The following PDE1A variants were observed in gnomAD, a reference collection of about 807,000 sequenced individuals.
The protein encoded by PDE1A is phosphodiesterase 1A, also known as dual specificity calcium/calmodulin-dependent 3',5'-cyclic nucleotide phosphodiesterase 1A.
Under a neutral mutation model 61.7 loss-of-function variants are expected in PDE1A, and 35 were observed. The observed-to-expected ratio is 0.57, with a 90% confidence interval of 0.43 to 0.75. PDE1A has a LOEUF of 0.75. Among genes scored for constraint, PDE1A ranks in the 30% least tolerant of loss-of-function variants. The pLI is 0.00. For missense variants in PDE1A, 597 were observed against 630.6 expected (o/e 0.95, Z 0.57); for synonymous variants, 232 against 213.2 (o/e 1.09, Z -0.77).
At chr2:182,536,194 G>GT in the PDE1A span, among the ~76,000 whole-genome samples, 1 of 152,178 alleles carries the variant, frequency 6.6e-6, no homozygotes, top group Non-Finnish European at 1.5e-5. Context: ...CTCAGGAAGT[G>GT]TGATGTTAAA....
chr2:182,209,994 C>T lies in PDE1A; in HGVS notation c.777-3929G>A, dbSNP rs1687447886. Among the ~76,000 whole-genome samples, 4 of 152,316 alleles carry T rather than the reference C, an allele frequency of 2.6e-5. No homozygotes were observed. The South Asian group carries it at 8.3e-4, about 32-fold the overall frequency. On this transcript the variant is annotated intron_variant, in intron 7 of 13. Transcript: ENST00000351439. The stretch of plus-strand genomic sequence containing the variant: ...ATTGATAGCTAATTTCCTTGCAGCA[C>T]TCAAGTTTTCTTGTCTGCATATACC...
intron 1 of PDE1A, among the ~76,000 whole-genome samples, chr2:182,361,963 T>G (rs1283572369): frequency 6.6e-6 from 1 of 152,046 alleles, no homozygotes; most frequent in African/African-American, 2.4e-5. Flanking sequence ...CAGTTTCAAC[T>G]GCAGGTCAGA....
At chr2:182,669,934 A>G in the PDE1A span, among the ~76,000 whole-genome samples, 371 of 152,350 alleles carry the variant, frequency 2.4e-3, 2 homozygotes, top group African/African-American at 8.5e-3. Flanking sequence ...CCATGGGAAC[A>G]TGGGCCACAC....
At chr2:182,401,256 C>T (rs559323470) in intron 1 of PDE1A, among the ~76,000 whole-genome samples, 3 of 152,208 alleles carry the variant, frequency 2.0e-5, no homozygotes, top group South Asian at 2.1e-4. Context: ...TGATAAACAT[C>T]GATGCGAAAA....
the PDE1A span, among the ~76,000 whole-genome samples, chr2:182,701,571 G>A: frequency 6.6e-6 from 1 of 151,618 alleles, no homozygotes; most frequent in East Asian, 2.0e-4. Flanking sequence ...TAGTAGAGAC[G>A]GGGTTTCGCC....
At chr2:182,618,320 C>A in the PDE1A span, among the ~76,000 whole-genome samples, 2 of 152,090 alleles carry the variant, frequency 1.3e-5, no homozygotes, top group Non-Finnish European at 1.5e-5. Context: ...TTATAATACT[C>A]CATTCTTATC....
chr2:182,480,721 T>G (rs1687648589), intron 2 of PDE1A, among the ~76,000 whole-genome samples: 1 of 151,910 alleles, frequency 6.6e-6, no homozygotes, highest in South Asian at 2.1e-4. Flanking sequence ...GAGCATCTTC[T>G]GAGGTTCTGA....
intron 2 of PDE1A, among the ~76,000 whole-genome samples, chr2:182,458,713 T>C (rs573894601): frequency 6.6e-6 from 1 of 152,238 alleles, no homozygotes; most frequent in South Asian, 2.1e-4. Context: ...CTGCCTCTGA[T>C]TGGGAAATTA....
At chr2:182,649,490 C>G in the PDE1A span, among the ~76,000 whole-genome samples, 1 of 151,628 alleles carries the variant, frequency 6.6e-6, no homozygotes, top group Non-Finnish European at 1.5e-5. Context: ...CATCTACTGG[C>G]CGGGAGCAGT....
At chr2:182,402,534 G>T (rs1179849918) in intron 1 of PDE1A, among the ~76,000 whole-genome samples, 1 of 152,164 alleles carries the variant, frequency 6.6e-6, no homozygotes, top group East Asian at 1.9e-4. Context: ...TCAAGATTAA[G>T]ATTAAAGACT....
chr2:182,450,090 C>T (rs1685412114), intron 2 of PDE1A, among the ~76,000 whole-genome samples: 1 of 152,006 alleles, frequency 6.6e-6, no homozygotes, highest in South Asian at 2.1e-4. Flanking sequence ...GAGCATAGAA[C>T]CTGGCACACA....
the PDE1A span, among the ~76,000 whole-genome samples, chr2:182,688,630 G>A: frequency 3.9e-5 from 6 of 152,064 alleles, no homozygotes; most frequent in African/African-American, 1.4e-4. Context: ...CTAACGAGCA[G>A]AATAACCAGC....
In PDE1A at chr2:182,285,499, G is replaced by A. The variant is rs113092745; in HGVS notation, c.54-21085C>T. Among the ~76,000 whole-genome samples the A allele has an allele frequency of 1.1e-3, 170 of 152,020 alleles. 1 individual carries two copies. The highest frequency in any genetic ancestry group is 4.0e-3 in the African/African-American group (164 of 41,492). ...CTAAGAAACGATCTGGTCAAATTAT[G>A]TCTAAGGACACTTAGCAGAGGGAGG... On this transcript the variant is annotated intron_variant, in intron 1 of 13. Transcript: ENST00000351439.
chr2:182,380,137 G>A (rs1487684828), intron 1 of PDE1A, among the ~76,000 whole-genome samples: 4 of 116,106 alleles, frequency 3.4e-5, no homozygotes, highest in Non-Finnish European at 3.4e-5. Context: ...TTGAGACAGA[G>A]TCTTGCTCTG....
At chr2:182,163,607 C>G (rs944389689), downstream of PDE1A, among the ~76,000 whole-genome samples, 1 of 152,166 alleles carries the variant, frequency 6.6e-6, no homozygotes, top group Non-Finnish European at 1.5e-5. Flanking sequence ...GGTGCAGGGC[C>G]TGTGGAGATA....
chr2:182,505,969 T>C (rs1689384848), intron 2 of PDE1A, among the ~76,000 whole-genome samples: 3 of 152,198 alleles, frequency 2.0e-5, no homozygotes, highest in African/African-American at 7.2e-5. Context: ...CACATAAAGA[T>C]GCTTGTTCAT....
At chr2:182,439,327 G>C (rs565725387) in intron 2 of PDE1A, among the ~76,000 whole-genome samples, 7 of 151,932 alleles carry the variant, frequency 4.6e-5, no homozygotes, top group African/African-American at 1.7e-4. Flanking sequence ...TGTGGGGGAG[G>C]GGAGTTGCAT....
chr2:182,308,609 A>G (rs904530190), intron 1 of PDE1A, among the ~76,000 whole-genome samples: 3 of 152,086 alleles, frequency 2.0e-5, no homozygotes, highest in Admixed American at 6.6e-5. Context: ...AAATTGTAAT[A>G]AAATGTGATA....
chr2:182,412,108 C>T (rs956468997), intron 1 of PDE1A, among the ~76,000 whole-genome samples: 4 of 151,436 alleles, frequency 2.6e-5, no homozygotes, highest in Non-Finnish European at 5.9e-5. Context: ...GTGTTGGAGT[C>T]GAGAAATTCT....
Sources: allele counts gnomAD v4.1 joint callset (sites outside exome capture counted in the v4.1 genomes callset), GRCh38; gene constraint gnomAD v4.1.1; transcripts MANE v1.5; gene names NCBI Gene and HGNC (gene_info 2026-07-23, HGNC 2026-07-21).